Variants in BBS9 observed in about 807,000 individuals in gnomAD.
The protein encoded by BBS9 is protein PTHB1.
In BBS9, 89 loss-of-function variants were observed where a neutral mutation model predicts 117.7. That is an observed-to-expected ratio of 0.76 (90% confidence interval 0.64 to 0.90). BBS9 has a LOEUF of 0.90. BBS9 is among the 40% of genes least tolerant of loss of function. The pLI is 0.00. For synonymous variants in BBS9, 379 were observed against 370.9 expected (o/e 1.02, Z -0.25); for missense variants, 982 against 1,042.2 (o/e 0.94, Z 0.80).
At chr7:33,473,310 T>G (rs1366115627) in intron 19 of BBS9, among the ~76,000 whole-genome samples, 1 of 137,426 alleles carries the variant, frequency 7.3e-6, no homozygotes, top group Non-Finnish European at 1.6e-5. Flanking sequence ...CAATTCCCCC[T>G]CCCTCACCCC....
At chr7:33,400,242 AT>A (rs926598746) in intron 19 of BBS9, among the ~76,000 whole-genome samples, 6 of 148,886 alleles carry the variant, frequency 4.0e-5, no homozygotes, top group African/African-American at 1.5e-4. Context: ...TAAAAAAAAA[AT>A]AGTCCTTTGA....
chr7:33,498,642 T>C (rs1845052962), intron 19 of BBS9, among the ~76,000 whole-genome samples: 1 of 152,206 alleles, frequency 6.6e-6, no homozygotes, highest in South Asian at 2.1e-4. Context: ...CTTCTTTTGT[T>C]TAGCATAACA....
rs145358598 is a variant in BBS9, at chr7:33,431,307, T to C, written c.2115+43163T>C. ...CTGGGTTTGGGTTGATGTAGATTTT[T>C]GACTAGGGGAAGGCAGTGGATTTTG... On this transcript the variant is annotated intron_variant, in intron 19 of 22. Coordinates refer to ENST00000242067, the MANE Select transcript of BBS9 (RefSeq NM_198428.3). Among the ~76,000 whole-genome samples, 32 of 152,308 alleles carry C rather than the reference T, an allele frequency of 2.1e-4. No homozygotes were observed. In the East Asian group the frequency reaches 5.0e-3, roughly 24 times the overall value.
chr7:33,508,165 G>T (rs917266159), intron 20 of BBS9, among the ~76,000 whole-genome samples: 3 of 152,118 alleles, frequency 2.0e-5, no homozygotes, highest in African/African-American at 7.2e-5. Flanking sequence ...TTCATTTCTT[G>T]ATATGTGCCT....
chr7:33,477,308 T>C (rs11980608), intron 19 of BBS9, among the ~76,000 whole-genome samples: 15,358 of 152,138 alleles, frequency 0.1, 1,247 homozygotes, highest in African/African-American at 0.22. Context: ...GGCAGTCACT[T>C]TGAAGAACTA....
intron 19 of BBS9, among the ~76,000 whole-genome samples, chr7:33,432,832 C>G (rs1006980704): frequency 1.3e-5 from 2 of 151,328 alleles, no homozygotes; most frequent in South Asian, 2.1e-4. Flanking sequence ...ATATTTGGAA[C>G]GTTATGCCCT....
rs377092738 is a variant in BBS9, at chr7:33,496,244, G to A, written c.2116-9219G>A. ...TTCTGGGCCAGGCGTGGTGGCTCTC[G>A]CCTGTAATCCCAGCACTTTGAGAGG... On this transcript the variant is annotated intron_variant, in intron 19 of 22. Transcript: ENST00000242067. Among the ~76,000 whole-genome samples, 6 of 151,972 alleles carry A rather than the reference G, an allele frequency of 3.9e-5. No homozygotes were observed. The South Asian group carries it at 8.3e-4, about 21-fold the overall frequency.
At chr7:33,373,267 G>A (rs1192534755) in intron 17 of BBS9, among the ~76,000 whole-genome samples, 4 of 152,098 alleles carry the variant, frequency 2.6e-5, no homozygotes, top group Non-Finnish European at 5.9e-5. Context: ...AATCAAGATG[G>A]CATTTAGCTT....
exon 22 of BBS9, among the ~76,000 whole-genome samples, chr7:33,635,331 G>T (rs1866092797): frequency 6.6e-6 from 1 of 152,226 alleles, no homozygotes; most frequent in Non-Finnish European, 1.5e-5. Flanking sequence ...CAATGGAGAA[G>T]GTCCTTCTGT....
At chr7:33,165,739 C>CT (rs2128134710) in intron 4 of BBS9, among the ~76,000 whole-genome samples, 1 of 152,190 alleles carries the variant, frequency 6.6e-6, no homozygotes, top group Admixed American at 6.5e-5. Context: ...TTCATCTAAT[C>CT]TTTTTTCAAG....
chr7:33,383,518 A>G, intron 17 of BBS9, 148 bp from the exon 18 acceptor site: 1 of 746,108 alleles, frequency 1.3e-6, no homozygotes, highest in South Asian at 1.8e-5. Context: ...TGAAACAGTG[A>G]AAGTATTTTT....
chr7:33,485,755 T>A (rs1232200153), intron 19 of BBS9, among the ~76,000 whole-genome samples: 1 of 152,220 alleles, frequency 6.6e-6, no homozygotes, highest in Non-Finnish European at 1.5e-5. Flanking sequence ...TATGGTCAAA[T>A]TAGTTGACAC....
chr7:33,289,932 G>C (rs1325051761), intron 9 of BBS9, among the ~76,000 whole-genome samples: 1 of 151,934 alleles, frequency 6.6e-6, no homozygotes, highest in Non-Finnish European at 1.5e-5. Context: ...TGTAGTCCCA[G>C]CTACTCAGGA....
intron 21 of BBS9, among the ~76,000 whole-genome samples, chr7:33,561,644 A>C (rs1271783358): frequency 6.6e-6 from 1 of 152,208 alleles, no homozygotes; most frequent in African/African-American, 2.4e-5. Flanking sequence ...AAAACTAGAG[A>C]GGAGATCATT....
intron 19 of BBS9, among the ~76,000 whole-genome samples, chr7:33,398,276 C>T (rs539998857): frequency 1.1e-4 from 16 of 152,210 alleles, no homozygotes; most frequent in African/African-American, 2.6e-4. Context: ...CTGAGGGAGC[C>T]GTTTTCTCTT....
chr7:33,135,377 G>A (rs925401576), intron 1 of BBS9, among the ~76,000 whole-genome samples: 1 of 152,160 alleles, frequency 6.6e-6, no homozygotes, highest in Non-Finnish European at 1.5e-5. Flanking sequence ...ATTATTCGAG[G>A]TAAGTGTCCG....
chr7:33,294,735 C>G (rs1168465993), intron 9 of BBS9, among the ~76,000 whole-genome samples: 1 of 152,170 alleles, frequency 6.6e-6, no homozygotes, highest in Non-Finnish European at 1.5e-5. Context: ...AATTTATATT[C>G]ATGAAGCCAA....
intron 21 of BBS9, among the ~76,000 whole-genome samples, chr7:33,629,339 CAT>C (rs1191758944): frequency 6.6e-6 from 1 of 152,022 alleles, no homozygotes; most frequent in Admixed American, 6.5e-5. Flanking sequence ...TGTGTGAGCT[CAT>C]TTAAAAAATG....
chr7:33,213,755 G>A (rs975220777), intron 5 of BBS9, among the ~76,000 whole-genome samples: 2 of 152,036 alleles, frequency 1.3e-5, no homozygotes, highest in Admixed American at 6.6e-5. Context: ...TTTGGTCCAG[G>A]GTGTGTCTAG....
Sources: allele counts gnomAD v4.1 joint callset (sites outside exome capture counted in the v4.1 genomes callset), GRCh38; gene constraint gnomAD v4.1.1; transcripts MANE v1.5; gene names NCBI Gene and HGNC (gene_info 2026-07-23, HGNC 2026-07-21).